Variants in SGCD observed in about 807,000 individuals in gnomAD.
SGCD encodes the protein sarcoglycan delta.
SGCD carries 18 observed loss-of-function variants against 36.6 expected under a neutral mutation model. The ratio of observed to expected loss-of-function variants is 0.49; its 90% CI spans 0.34 to 0.73. The LOEUF is 0.73. Among genes scored for constraint, SGCD ranks in the 30% least tolerant of loss-of-function variants. The pLI is 0.01. For missense variants in SGCD, 387 were observed against 346.7 expected, an observed-to-expected ratio of 1.12 and a Z score of -0.92; for synonymous variants, 133 against 130.6, an observed-to-expected ratio of 1.02 and a Z score of -0.12.
intron 3 of SGCD, among the ~76,000 whole-genome samples, chr5:156,200,851 A>T (rs1268917370): frequency 6.6e-6 from 1 of 152,204 alleles, no homozygotes; most frequent in Non-Finnish European, 1.5e-5. Context: ...ATGTCCATCG[A>T]CAGATGAATA....
intron 3 of SGCD, among the ~76,000 whole-genome samples, chr5:156,440,943 A>G (rs1315883757): frequency 6.6e-6 from 1 of 152,128 alleles, no homozygotes; most frequent in African/African-American, 2.4e-5. Flanking sequence ...GAAGCACAGT[A>G]GTTGTAAATT....
chr5:156,562,483 C>T (rs764472044), intron 4 of SGCD, among the ~76,000 whole-genome samples: 5 of 152,122 alleles, frequency 3.3e-5, no homozygotes, highest in Non-Finnish European at 1.5e-5. Flanking sequence ...TGGAATGACC[C>T]AGGGGACTGC....
chr5:155,780,870 C>T, the SGCD span, among the ~76,000 whole-genome samples: 5 of 152,078 alleles, frequency 3.3e-5, no homozygotes, highest in African/African-American at 7.2e-5. Flanking sequence ...TATGATATAG[C>T]GAGTCTGACA....
chr5:156,143,912 G>A (rs1458557897), intron 3 of SGCD, among the ~76,000 whole-genome samples: 21 of 110,668 alleles, frequency 1.9e-4, no homozygotes, highest in African/African-American at 7.8e-4. Context: ...AACAGACCCC[G>A]GAGTGTGATG....
At chr5:155,748,407 C>G in the SGCD span, among the ~76,000 whole-genome samples, 1 of 152,068 alleles carries the variant, frequency 6.6e-6, no homozygotes, top group Admixed American at 6.6e-5. Context: ...TGATCTTGTT[C>G]TCTATCCTAC....
intron 7 of SGCD, among the ~76,000 whole-genome samples, chr5:156,704,632 T>C (rs1754666293): frequency 6.6e-6 from 1 of 152,150 alleles, no homozygotes; most frequent in Non-Finnish European, 1.5e-5. Flanking sequence ...TATAAAAATA[T>C]CTTGAAATCA....
chr5:156,428,379 G>A (rs995618147), intron 3 of SGCD, among the ~76,000 whole-genome samples: 2 of 151,964 alleles, frequency 1.3e-5, no homozygotes, highest in African/African-American at 2.4e-5. Flanking sequence ...GATATTGGGT[G>A]TAATATCTCC....
At chr5:155,957,339 G>GC (rs914256786) in intron 1 of SGCD, among the ~76,000 whole-genome samples, 2 of 152,120 alleles carry the variant, frequency 1.3e-5, no homozygotes, top group Non-Finnish European at 2.9e-5. Context: ...GAAGAGAGCT[G>GC]CCCCCACCAA....
At chr5:155,960,016 G>A (rs1034097921) in intron 1 of SGCD, among the ~76,000 whole-genome samples, 5 of 152,026 alleles carry the variant, frequency 3.3e-5, no homozygotes, top group Non-Finnish European at 2.9e-5. Context: ...TTTTTAGTAG[G>A]ACACAGACAA....
chr5:156,371,167 C>T (rs1312800142), intron 3 of SGCD, among the ~76,000 whole-genome samples: 1 of 152,090 alleles, frequency 6.6e-6, no homozygotes, highest in Non-Finnish European at 1.5e-5. Context: ...ATTTTCATGC[C>T]TAGGGATTAT....
At chr5:156,618,504 T>G (rs1382127926) in intron 6 of SGCD, among the ~76,000 whole-genome samples, 1 of 149,768 alleles carries the variant, frequency 6.7e-6, no homozygotes, top group Non-Finnish European at 1.5e-5. Context: ...CCAGAGATAC[T>G]TAATGAGAAA....
chr5:156,284,706 A>G (rs1259108748), intron 3 of SGCD, among the ~76,000 whole-genome samples: 1 of 152,204 alleles, frequency 6.6e-6, no homozygotes, highest in Non-Finnish European at 1.5e-5. Flanking sequence ...ACAAACCCAC[A>G]GCCAATATCA....
chr5:156,606,467 T>A (rs1167759346), intron 6 of SGCD, among the ~76,000 whole-genome samples: 3 of 152,104 alleles, frequency 2.0e-5, no homozygotes, highest in African/African-American at 4.8e-5. Flanking sequence ...TATAGTTTGA[T>A]GTCAGGTAGC....
At chr5:156,516,923 G>C (rs891571992) in intron 4 of SGCD, among the ~76,000 whole-genome samples, 1 of 152,064 alleles carries the variant, frequency 6.6e-6, no homozygotes, top group Non-Finnish European at 1.5e-5. Context: ...GCTTGAACCC[G>C]GAAGGTGGAG....
intron 7 of SGCD, among the ~76,000 whole-genome samples, chr5:156,757,291 G>T (rs77346696): frequency 1.2e-4 from 4 of 32,608 alleles, no homozygotes; most frequent in Non-Finnish European, 3.2e-4. Context: ...AAAAAAAAAA[G>T]CTTATATGAG....
At chr5:156,370,070 A>C (rs993339715) in intron 3 of SGCD, among the ~76,000 whole-genome samples, 1 of 152,150 alleles carries the variant, frequency 6.6e-6, no homozygotes, top group African/African-American at 2.4e-5. Context: ...AGGTGTTCTC[A>C]GTGGGCACCC....
At chr5:156,417,733 A>G (rs1427112112) in intron 3 of SGCD, among the ~76,000 whole-genome samples, 1 of 152,094 alleles carries the variant, frequency 6.6e-6, no homozygotes, top group Non-Finnish European at 1.5e-5. Context: ...TCAACTTCTC[A>G]GAAGCCCTAT....
At chr5:156,023,965 T>G (rs1243922603) in intron 1 of SGCD, among the ~76,000 whole-genome samples, 1 of 152,220 alleles carries the variant, frequency 6.6e-6, no homozygotes, top group African/African-American at 2.4e-5. Context: ...CGAGCATCCC[T>G]GTCAGAAAGG....
At chr5:156,591,101 A>G (rs907777341) in intron 5 of SGCD, among the ~76,000 whole-genome samples, 1 of 152,004 alleles carries the variant, frequency 6.6e-6, no homozygotes, top group African/African-American at 2.4e-5. Flanking sequence ...TTTTCCTTCA[A>G]TACTCTCCTT....
Sources: gnomAD v4.1 joint callset for allele counts (sites outside exome capture counted in the v4.1 genomes callset) on GRCh38, gnomAD v4.1.1 for gene constraint, MANE v1.5 for transcripts, NCBI Gene and HGNC (gene_info 2026-07-23, HGNC 2026-07-21) for gene names.